The following SPDYE5 variants were observed in gnomAD, a reference collection of about 807,000 sequenced individuals.
SPDYE5 encodes the protein speedy/RINGO cell cycle regulator family member E5.
In SPDYE5, 15 loss-of-function variants were observed where a neutral mutation model predicts 48.5. That is an observed-to-expected ratio of 0.31 (90% CI 0.21 to 0.48). The LOEUF (loss-of-function observed/expected upper bound fraction) is 0.48, where lower values mean the gene tolerates loss of function less well. Ranked by LOEUF, SPDYE5 falls within the 20% of genes least tolerant of loss-of-function variation. The probability of loss-of-function intolerance (pLI) is 0.99; values close to 1 mark genes in which losing one functional copy is unlikely to be tolerated. For missense variants in SPDYE5, 331 were observed against 549.1 expected, an observed-to-expected ratio of 0.60 and a Z score of 3.97; for synonymous variants, 116 against 200.7, an observed-to-expected ratio of 0.58 and a Z score of 3.57.
chr7:75,493,961 C>T lies in SPDYE5; in HGVS notation c.-87C>T, dbSNP rs1371386160. The T allele has an allele frequency of 6.6e-7, 1 of 1,513,880 alleles. No homozygotes were observed. The highest frequency in any genetic ancestry group is 8.8e-7 in the Non-Finnish European group (1 of 1,135,342). The allele number at this position is 1,513,880 out of a possible 1,614,324, so 93.8% of individuals were successfully genotyped here. A position where few individuals can be genotyped will look rare whatever the true frequency, so the allele number is the denominator to read the frequency against. On this transcript the variant is annotated 5_prime_UTR_variant, in exon 2 of 9. The change creates a premature stop within an existing upstream ORF in the 5' untranslated region. Coordinates refer to ENST00000625065, the MANE Select transcript of SPDYE5 (RefSeq NM_001306141.4). Reference sequence around the variant, plus strand: ...GATCAGTTGGACAACAGTATCTTCTCAGAGCTGTTCTCCACTCCTGACTTC... The same window carrying T: ...GATCAGTTGGACAACAGTATCTTCTTAGAGCTGTTCTCCACTCCTGACTTC...
At position 75,501,774 on chromosome 7, in the gene SPDYE5, GGTGGAGGA is replaced by G. The variant is rs1793168577; in HGVS notation, c.1149+21_1149+28del. On this transcript the variant is annotated intron_variant, in intron 7 of 8. Coordinates refer to ENST00000625065, the MANE Select transcript of SPDYE5 (RefSeq NM_001306141.4). ...GGAGGAGGTAGGTGGGGCCTGGGGA[GGTGGAGGA>G]GGTGGGGAGGAATCGGGTGGGCTGG... The G allele has an allele frequency of 6.4e-7, 1 of 1,570,930 alleles. No individual in the cohort carries two copies. The highest frequency in any genetic ancestry group is 2.5e-5 in the African/African-American group (1 of 40,508).
chr7:75,501,410 C>T lies in SPDYE5; in HGVS notation c.804C>T (p.Asn268=), dbSNP rs1368692992. ...AGGACGACGAGGACTCCAAACAAAA[C>T]ATCTTCCACTTCCTGTATGGGAAGA... ...MEEDDEDSKQ[N]IFHFLYGKNR... Residue 268 remains asparagine (N), a synonymous_variant, in exon 7 of 9, where the codon AAC becomes AAT. Transcript: ENST00000625065. 18 of 1,612,594 alleles carry T rather than the reference C, an allele frequency of 1.1e-5. No homozygotes were observed. Among genetic ancestry groups the T allele is most frequent in the Non-Finnish European group, 1.4e-5 (17 of 1,180,024 alleles).
At chr7:75,492,670 G>A (rs3973271) in intron 1 of SPDYE5, among the ~76,000 whole-genome samples, 3 of 152,150 alleles carry the variant, frequency 2.0e-5, no homozygotes, top group African/African-American at 7.2e-5. Context: ...AACTCCTGAC[G>A]TCAAGTGATC....
chr7:75,494,163 AC>A lies in SPDYE5; in HGVS notation c.121del (p.Leu41SerfsTer17). Reference sequence around the variant, plus strand: ...AGTCCCCAGCGGAGCACCTCGGGGTACCCCCTCCAGGAGGTGGTGGATGATG... The same window carrying A: ...AGTCCCCAGCGGAGCACCTCGGGGTACCCCTCCAGGAGGTGGTGGATGATG... ...EQSPQRSTSG[Y>X]PLQEVVDDEV... On this transcript the variant is annotated frameshift_variant, in exon 2 of 9. Coordinates refer to ENST00000625065, the MANE Select transcript of SPDYE5 (RefSeq NM_001306141.4). LOFTEE classifies it high-confidence loss of function. 6.5e-7 allele frequency: 1 copy of A among 1,535,064 alleles called. No individual in the cohort carries two copies. Among genetic ancestry groups the A allele is most frequent in the Non-Finnish European group, 8.7e-7 (1 of 1,146,720 alleles).
In SPDYE5 at chr7:75,501,589, G is replaced by A. The variant is rs1338090690; in HGVS notation, c.983G>A (p.Arg328His). The A allele has an allele frequency of 5.0e-6, 8 of 1,610,400 alleles. No individual in the cohort carries two copies. The highest frequency in any genetic ancestry group is 1.7e-5 in the Admixed American group (1 of 59,844). ...RSMNPRARKN[R>H]SRIPLLRKRR... ...ATGAACCCGAGGGCCAGGAAGAACC[G>A]CTCTCGCATACCCTTGCTCCGTAAG... is the stretch of plus-strand genomic sequence containing the variant. Residue 328 changes from arginine (R) to histidine (H), a missense_variant, in exon 7 of 9, where the codon CGC becomes CAC. This residue lies in a region of SPDYE5 where 5 missense variants were observed against 25.5 expected (regional missense o/e 0.20). Transcript: ENST00000625065.
In SPDYE5 at chr7:75,501,344, C is replaced by A. The variant is rs782772939; in HGVS notation, c.756-18C>A. On this transcript the variant is annotated intron_variant, in intron 6 of 8. Coordinates refer to ENST00000625065, the MANE Select transcript of SPDYE5 (RefSeq NM_001306141.4). ...TCTTGGTGGTGCCCCTGAGCAGCAA[C>A]CTGATTTCTGTCCTCAGCTACCTGG... 1.1e-5 allele frequency: 18 copies of A among 1,611,956 alleles called. No homozygotes were observed. The highest frequency in any genetic ancestry group is 1.4e-5 in the Non-Finnish European group (17 of 1,179,906).
upstream of SPDYE5, among the ~76,000 whole-genome samples, chr7:75,492,134 A>G (rs1714491926): frequency 6.6e-6 from 1 of 152,030 alleles, no homozygotes; most frequent in Non-Finnish European, 1.5e-5. Flanking sequence ...AGATGGGTTA[A>G]ATCAGAGATT....
chr7:75,498,457 AT>A (rs1219618746), intron 5 of SPDYE5, among the ~76,000 whole-genome samples: 11 of 146,886 alleles, frequency 7.5e-5, no homozygotes, highest in Non-Finnish European at 1.1e-4. Context: ...GCACCCACAA[AT>A]TTTTTTTTTG....
In SPDYE5 at chr7:75,501,422, C is replaced by T. The variant is rs782535674; in HGVS notation, c.816C>T (p.Phe272=). 2 of 1,612,908 alleles carry T rather than the reference C, an allele frequency of 1.2e-6. No homozygotes were observed. The highest frequency in any genetic ancestry group is 1.7e-5 in the Admixed American group (1 of 60,014). Residue 272 remains phenylalanine (F), a synonymous_variant, in exon 7 of 9, where the codon TTC becomes TTT. Coordinates refer to ENST00000625065, the MANE Select transcript of SPDYE5 (RefSeq NM_001306141.4). The stretch of plus-strand genomic sequence containing the variant: ...ACTCCAAACAAAACATCTTCCACTT[C>T]CTGTATGGGAAGAACCGCTCTCGCA... ...DEDSKQNIFH[F]LYGKNRSRIP... is the part of the protein sequence containing the mutation.
At chr7:75,500,247 T>A (rs1248553858) in intron 6 of SPDYE5, among the ~76,000 whole-genome samples, 1 of 145,012 alleles carries the variant, frequency 6.9e-6, no homozygotes, top group African/African-American at 2.6e-5. Context: ...TGGTATTTCC[T>A]GGCTCGGCTT....
rs1226820085 is a variant in SPDYE5, at chr7:75,494,111, C to T, written c.64C>T (p.Arg22Cys). Residue 22 changes from arginine to cysteine, a missense_variant, in exon 2 of 9, where the codon CGT becomes TGT. Physicochemically the swap from Arg to Cys is radical, Grantham distance 180 (BLOSUM62 -3). Around this residue, in one of 8 missense-constraint regions of SPDYE5, gnomAD observed 67 missense variants for 55.7 expected, o/e 1.20. Coordinates refer to ENST00000625065, the MANE Select transcript of SPDYE5 (RefSeq NM_001306141.4). ...GQITEKITTS[R>C]QPQPQNEQSP... ...GATTACGGAAAAGATCACGACCAGC[C>T]GTCAACCGCAACCCCAGAATGAGCA... 45 of 1,535,224 alleles carry T rather than the reference C, an allele frequency of 2.9e-5. 1 individual carries two copies. Among genetic ancestry groups the T allele is most frequent in the Admixed American group, 2.6e-4 (13 of 50,948 alleles).
At chr7:75,491,766 G>A (rs587773757), upstream of SPDYE5, among the ~76,000 whole-genome samples, 9,045 of 130,118 alleles carry the variant, frequency 0.07, 375 homozygotes, top group Non-Finnish European at 0.097. Context: ...AGGCTGGAGT[G>A]CAGTGATGCA....
chr7:75,499,570 C>T (rs1267275992), intron 6 of SPDYE5, among the ~76,000 whole-genome samples: 1 of 151,992 alleles, frequency 6.6e-6, no homozygotes, highest in Non-Finnish European at 1.5e-5. Context: ...AGTTCGAGAC[C>T]AGCCTGGCCA....
At position 75,493,660 on chromosome 7, in the gene SPDYE5, A is replaced by G. The variant is rs1221280554; in HGVS notation, c.-388A>G. 3.0e-6 allele frequency: 4 copies of G among 1,346,298 alleles called. No homozygotes were observed. The highest frequency in any genetic ancestry group is 3.5e-5 in the Admixed American group (1 of 28,718). 83.4% of individuals were successfully genotyped at this position (1,346,298 alleles called of 1,614,324 possible). On this transcript the variant is annotated 5_prime_UTR_variant, in exon 2 of 9. Transcript: ENST00000625065. Reference sequence around the variant, plus strand: ...CTGAAATGGGCATGTACAGAGACAAAGAGACCCCAACATGCTTCAGGCTTT... The same window carrying G: ...CTGAAATGGGCATGTACAGAGACAAGGAGACCCCAACATGCTTCAGGCTTT...
chr7:75,501,033 G>T (rs1554483342), intron 6 of SPDYE5, among the ~76,000 whole-genome samples: 2 of 152,120 alleles, frequency 1.3e-5, no homozygotes, highest in African/African-American at 2.4e-5. Flanking sequence ...TAATAGAGAC[G>T]AGGGTCTTGC....
rs1793204156 is a variant in SPDYE5, at chr7:75,502,879, C to A, written c.*92C>A. ...GTGGATTTTCAGCAGGAACTTTATT[C>A]CAATGCTAATGGCAGACACCAGGAA... On this transcript the variant is annotated 3_prime_UTR_variant, in exon 9 of 9. Coordinates refer to ENST00000625065, the MANE Select transcript of SPDYE5 (RefSeq NM_001306141.4). The A allele has an allele frequency of 1.1e-6, 1 of 901,952 alleles. No individual in the cohort carries two copies. The highest frequency in any genetic ancestry group is 5.6e-5 in the East Asian group (1 of 17,804). The allele number at this position is 901,952 out of a possible 1,614,324, so 55.9% of individuals were successfully genotyped here.
At position 75,503,659 on chromosome 7, in the gene SPDYE5, G is replaced by A. The variant is rs1489999831; in HGVS notation, c.*872G>A. On this transcript the variant is annotated 3_prime_UTR_variant, in exon 9 of 9. Coordinates refer to ENST00000625065, the MANE Select transcript of SPDYE5 (RefSeq NM_001306141.4). ...GTTTAGGTTTGTGACTGAATTGTGA[G>A]AATTCAGTTGTGATTTTTAACATGT... 1 of 150,526 alleles carries A rather than the reference G, an allele frequency of 6.6e-6. No homozygotes were observed. Among genetic ancestry groups the A allele is most frequent in the Admixed American group, 6.6e-5 (1 of 15,128 alleles). The allele number at this position is 150,526 out of a possible 1,614,324, so 9.3% of individuals were successfully genotyped here.
chr7:75,492,230 A>C (rs1377475156), upstream of SPDYE5, among the ~76,000 whole-genome samples: 1 of 152,154 alleles, frequency 6.6e-6, no homozygotes, highest in African/African-American at 2.4e-5. Flanking sequence ...GAGAGAGAGC[A>C]AACGATTTTG....
rs2116631485 is a variant in SPDYE5, at chr7:75,503,183, G to C, written c.*396G>C. The C allele has an allele frequency of 2.6e-6, 1 of 380,768 alleles. No homozygotes were observed. Among genetic ancestry groups the C allele is most frequent in the Admixed American group, 3.5e-5 (1 of 28,812 alleles). 23.6% of individuals were successfully genotyped at this position (380,768 alleles called of 1,614,324 possible). A position where few individuals can be genotyped will look rare whatever the true frequency, so the allele number is the denominator to read the frequency against. On this transcript the variant is annotated 3_prime_UTR_variant, in exon 9 of 9. Coordinates refer to ENST00000625065, the MANE Select transcript of SPDYE5 (RefSeq NM_001306141.4). Reference sequence around the variant, plus strand: ...TGGACTTGGTTACCACAGTCCAGAAGCATTTGAAGGCACAATGCAGGGGCT... The same window carrying C: ...TGGACTTGGTTACCACAGTCCAGAACCATTTGAAGGCACAATGCAGGGGCT...
Sources: gnomAD v4.1 joint callset for allele counts (sites outside exome capture counted in the v4.1 genomes callset) on GRCh38, gnomAD v4.1.1 for gene constraint, gnomAD v4.1.1 regional missense constraint, MANE v1.5 for transcripts, NCBI Gene and HGNC (gene_info 2026-07-23, HGNC 2026-07-21) for gene names.